Variants in ZNF544 observed in about 807,000 individuals in gnomAD.
The protein encoded by ZNF544 is zinc finger protein 544, also known as zinc finger protein AF020591.
A neutral mutation model predicts 13.5 loss-of-function variants in ZNF544; 10 were observed. The ratio of observed to expected loss-of-function variants is 0.74; its 90% CI spans 0.46 to 1.25. The LOEUF is 1.25. Ranked by LOEUF, ZNF544 falls within the 50% of genes most tolerant of loss-of-function variation. The pLI, the probability that ZNF544 is intolerant of heterozygous loss-of-function variation, is 0.00. For missense variants in ZNF544, 896 were observed against 845.6 expected, an observed-to-expected ratio of 1.06 and a Z score of -0.74; for synonymous variants, 323 against 300.5, an observed-to-expected ratio of 1.07 and a Z score of -0.77.
chr19:58,269,806 A>C (rs2050406040), intron 5 of ZNF544, among the ~76,000 whole-genome samples: 1 of 152,040 alleles, frequency 6.6e-6, no homozygotes, highest in South Asian at 2.1e-4. Context: ...CTGCAATCCC[A>C]GCTACTCAGG....
At chr19:58,237,742 G>A (rs918845188) in intron 3 of ZNF544, among the ~76,000 whole-genome samples, 3 of 152,214 alleles carry the variant, frequency 2.0e-5, no homozygotes, top group African/African-American at 7.2e-5. Context: ...ACACCCCAGT[G>A]TGTGACCTGT....
intron 6 of ZNF544, among the ~76,000 whole-genome samples, chr19:58,247,918 C>A (rs1411594473): frequency 1.3e-5 from 2 of 151,772 alleles, no homozygotes; most frequent in African/African-American, 4.8e-5. Flanking sequence ...CTTGAGGCAT[C>A]CTTTTTTTTT....
chr19:58,259,764 T>C (rs900821865), intron 6 of ZNF544: 1 of 152,126 alleles, frequency 6.6e-6, no homozygotes, highest in Non-Finnish European at 1.5e-5. Context: ...TTTAAAAATT[T>C]TTAGCAGGGT....
chr19:58,259,847 G>C (rs2048506455), intron 6 of ZNF544: 2 of 152,196 alleles, frequency 1.3e-5, no homozygotes, highest in Admixed American at 1.3e-4. Flanking sequence ...CTGGGAGGTG[G>C]AGTTGCAGTT....
At chr19:58,257,421 C>G (rs2047731911) in intron 6 of ZNF544, 1 of 152,212 alleles carries the variant, frequency 6.6e-6, no homozygotes, top group South Asian at 2.1e-4. Flanking sequence ...GGTTTACACC[C>G]TATGAAATAG....
downstream of ZNF544, chr19:58,266,610 G>A (rs770823094): frequency 6.8e-4 from 103 of 151,946 alleles, no homozygotes; most frequent in Non-Finnish European, 1.4e-3. Context: ...AGGAGAGGCT[G>A]TGGCAGCAGA....
downstream of ZNF544, among the ~76,000 whole-genome samples, chr19:58,264,459 A>G (rs1279008372): frequency 6.6e-6 from 1 of 151,236 alleles, no homozygotes; most frequent in African/African-American, 2.4e-5. Context: ...TGGGAGGCTG[A>G]GGTGGGTGGA....
At chr19:58,272,475 G>C (rs1413535607) in intron 5 of ZNF544, among the ~76,000 whole-genome samples, 1 of 150,888 alleles carries the variant, frequency 6.6e-6, no homozygotes, top group Non-Finnish European at 1.5e-5. Flanking sequence ...GAGATCACTT[G>C]AGCCTGAGAA....
intron 5 of ZNF544, among the ~76,000 whole-genome samples, chr19:58,272,415 G>A (rs2050742155): frequency 6.6e-6 from 1 of 152,040 alleles, no homozygotes; most frequent in Admixed American, 6.6e-5. Flanking sequence ...TAAAAAACCA[G>A]GTGTGGTGGC....
intron 5 of ZNF544, 27 bp from the exon 6 acceptor site, chr19:58,246,684 G>T: frequency 6.2e-7 from 1 of 1,612,238 alleles, no homozygotes; most frequent in South Asian, 1.1e-5. Flanking sequence ...AAGCAGAGGG[G>T]CAAGTCCTTT....
intron 5 of ZNF544, among the ~76,000 whole-genome samples, chr19:58,275,775 C>A (rs1438813406): frequency 1.1e-5 from 1 of 89,198 alleles, no homozygotes; most frequent in Non-Finnish European, 2.3e-5. Context: ...ACAGGTGAGA[C>A]CCTGTCTCAA....
At chr19:58,241,918 C>G (rs563178160) in intron 3 of ZNF544, among the ~76,000 whole-genome samples, 35 of 129,136 alleles carry the variant, frequency 2.7e-4, no homozygotes, top group Admixed American at 2.5e-4. Context: ...ATTTGCTGTT[C>G]ACTTCTCTCT....
chr19:58,267,676 T>A (rs1428054255), downstream of ZNF544: 4 of 108,928 alleles, frequency 3.7e-5, no homozygotes, highest in South Asian at 3.0e-4. Context: ...AGACTCCATC[T>A]AAAAAAAAAA....
intron 3 of ZNF544, among the ~76,000 whole-genome samples, chr19:58,234,703 G>A (rs1391997060): frequency 1.2e-4 from 19 of 152,350 alleles, no homozygotes; most frequent in Non-Finnish European, 2.8e-4. Context: ...ATGTATGAAA[G>A]CAAGAGTGGC....
intron 3 of ZNF544, among the ~76,000 whole-genome samples, chr19:58,241,921 T>TTCTCTCTG (rs1555756119): frequency 2.3e-3 from 349 of 149,602 alleles, no homozygotes; most frequent in African/African-American, 7.9e-3. Context: ...TGCTGTTCAC[T>TTCTCTCTG]TCTCTCTCTC....
At chr19:58,255,371 G>T (rs430339) in intron 6 of ZNF544, among the ~76,000 whole-genome samples, 76,597 of 151,212 alleles carry the variant, frequency 0.51, 19,520 homozygotes, top group Middle Eastern at 0.62. Flanking sequence ...TAGAGCTGTG[G>T]TTTCACCATG....
chr19:58,263,276 C>A lies in ZNF544; in HGVS notation c.*522C>A. On this transcript the variant is annotated 3_prime_UTR_variant, in exon 7 of 7. Transcript: ENST00000687789. ...AGGAGTTTGAAACCAGCCTGGGTAA[C>A]ATGGCAAAATCCTGTCTTTACAAAA... 1.1e-6 allele frequency: 1 copy of A among 897,974 alleles called. No individual in the cohort carries two copies. Among genetic ancestry groups the A allele is most frequent in the Non-Finnish European group, 1.3e-6 (1 of 757,966 alleles). The allele number at this position is 897,974 out of a possible 1,614,324, so 55.6% of individuals were successfully genotyped here. A position where few individuals can be genotyped will look rare whatever the true frequency, so the allele number is the denominator to read the frequency against.
rs558186468 is a variant in ZNF544 at position 58,240,809 on chromosome 19, C to G, written c.-59-3156C>G. ...GTGTGGACAACCCAGGCTTACTAAA[C>G]CAGCCCTGCACATTCCCTGTAATGT... On this transcript the variant is annotated intron_variant, in intron 3 of 6. Coordinates refer to ENST00000687789, the MANE Select transcript of ZNF544 (RefSeq NM_014480.4). Among the ~76,000 whole-genome samples, 133 of 151,646 alleles carry G rather than the reference C, an allele frequency of 8.8e-4. 1 individual carries two copies. Among genetic ancestry groups the G allele is most frequent in the African/African-American group, 3.0e-3 (126 of 41,380 alleles).
At position 58,260,838 on chromosome 19, in the gene ZNF544, G is replaced by T; in HGVS notation, c.245-13G>T. 283 of 1,493,418 alleles carry T rather than the reference G, an allele frequency of 1.9e-4. No individual in the cohort carries two copies. The highest frequency in any genetic ancestry group is 7.4e-4 in the South Asian group (54 of 73,344). 92.5% of individuals were successfully genotyped at this position (1,493,418 alleles called of 1,614,324 possible). On this transcript the variant is annotated splice_polypyrimidine_tract_variant and intron_variant, in intron 6 of 6. Coordinates refer to ENST00000687789, the MANE Select transcript of ZNF544 (RefSeq NM_014480.4). ...GCTTCTCCAGTAACTTAGGCATTTT[G>T]GATTTCTTTCAGACTGGAAAGCTAC...
Sources: allele counts gnomAD v4.1 joint callset (sites outside exome capture counted in the v4.1 genomes callset), GRCh38; gene constraint gnomAD v4.1.1; transcripts MANE v1.5; gene names NCBI Gene and HGNC (gene_info 2026-07-23, HGNC 2026-07-21).